The following DOCK3 variants were observed in gnomAD, a reference collection of about 807,000 sequenced individuals.
DOCK3 encodes dedicator of cytokinesis protein 3.
In DOCK3, 60 loss-of-function variants were observed where a neutral mutation model predicts 265.6. That is an observed-to-expected ratio of 0.23 (90% CI 0.18 to 0.28). DOCK3 has a LOEUF of 0.28. Among genes scored for constraint, DOCK3 ranks in the 10% least tolerant of loss-of-function variants. DOCK3 has a pLI of 1.00. For missense variants in DOCK3, 1,981 were observed against 2,594.3 expected (o/e 0.76, Z 5.14); for synonymous variants, 881 against 938.0 (o/e 0.94, Z 1.11).
chr3:51,013,721 G>A (rs543351687), intron 5 of DOCK3, among the ~76,000 whole-genome samples: 58 of 152,306 alleles, frequency 3.8e-4, no homozygotes, highest in Middle Eastern at 6.8e-3. Flanking sequence ...AGACAGGGAC[G>A]TTTAAGTCTG....
At chr3:50,980,109 T>G (rs904232460) in intron 5 of DOCK3, among the ~76,000 whole-genome samples, 5 of 152,228 alleles carry the variant, frequency 3.3e-5, no homozygotes, top group African/African-American at 9.6e-5. Context: ...TGTATTGACT[T>G]CATTATTTTG....
intron 9 of DOCK3, among the ~76,000 whole-genome samples, chr3:51,139,201 T>G (rs976103108): frequency 6.6e-6 from 1 of 150,622 alleles, no homozygotes; most frequent in African/African-American, 2.5e-5. Context: ...CACATCACAT[T>G]CATTCACATT....
At chr3:51,007,837 A>G (rs1249105458) in intron 5 of DOCK3, among the ~76,000 whole-genome samples, 1 of 152,180 alleles carries the variant, frequency 6.6e-6, no homozygotes, top group Non-Finnish European at 1.5e-5. Context: ...CTTTCTACAT[A>G]TGGCTAGCCA....
chr3:50,953,567 ACT>A (rs780664645), intron 5 of DOCK3, among the ~76,000 whole-genome samples: 9 of 152,090 alleles, frequency 5.9e-5, no homozygotes, highest in Non-Finnish European at 1.3e-4. Flanking sequence ...CATGTGGATG[ACT>A]CTCAACTGAA....
At chr3:50,972,101 G>A (rs1380032939) in intron 5 of DOCK3, among the ~76,000 whole-genome samples, 1 of 152,218 alleles carries the variant, frequency 6.6e-6, no homozygotes, top group Non-Finnish European at 1.5e-5. Flanking sequence ...CAGTCAAAAT[G>A]TCTTCTTTGT....
At chr3:51,032,630 G>A (rs1218622804) in intron 5 of DOCK3, among the ~76,000 whole-genome samples, 1 of 152,096 alleles carries the variant, frequency 6.6e-6, no homozygotes, top group Non-Finnish European at 1.5e-5. Context: ...TGTGGAAGCT[G>A]GGTACAGTGG....
intron 9 of DOCK3, among the ~76,000 whole-genome samples, chr3:51,139,263 G>GC (rs2084942768): frequency 6.6e-6 from 1 of 151,074 alleles, no homozygotes; most frequent in African/African-American, 2.4e-5. Flanking sequence ...GTGGGGGGAG[G>GC]GCTAAGATGT....
chr3:50,867,537 A>G (rs2047202734), intron 3 of DOCK3, among the ~76,000 whole-genome samples: 1 of 151,260 alleles, frequency 6.6e-6, no homozygotes, highest in South Asian at 2.1e-4. Context: ...TTCCACATTC[A>G]GTATTATACT....
chr3:51,370,415 A>G (rs2087584824), intron 49 of DOCK3, among the ~76,000 whole-genome samples: 1 of 152,224 alleles, frequency 6.6e-6, no homozygotes, highest in Non-Finnish European at 1.5e-5. Context: ...ACTCAAATGC[A>G]CTCTGACATT....
At chr3:51,009,602 T>C (rs929956907) in intron 5 of DOCK3, among the ~76,000 whole-genome samples, 2 of 152,196 alleles carry the variant, frequency 1.3e-5, no homozygotes, top group Non-Finnish European at 2.9e-5. Context: ...AAGGGTTTTT[T>C]GTATCTCTAT....
rs189405518 is a variant in DOCK3 at position 50,902,561 on chromosome 3, C to T, written c.218+12480C>T. On this transcript the variant is annotated intron_variant, in intron 4 of 52. Transcript: ENST00000266037. ...TGTGTGTCTGTTTTTGTACCAGTAC[C>T]ATGCTGTTTTGGTTACTTGAGCCTT... Among the ~76,000 whole-genome samples the T allele has an allele frequency of 5.9e-5, 9 of 152,214 alleles. No individual in the cohort carries two copies. In the East Asian group the frequency reaches 1.7e-3, roughly 29 times the overall value.
At chr3:50,911,630 C>T (rs1023317350) in intron 4 of DOCK3, among the ~76,000 whole-genome samples, 1 of 151,798 alleles carries the variant, frequency 6.6e-6, no homozygotes, top group Non-Finnish European at 1.5e-5. Context: ...ATTGCCTTAG[C>T]TACTTGGAAA....
intron 27 of DOCK3, among the ~76,000 whole-genome samples, chr3:51,309,477 G>A (rs1189981359): frequency 2.0e-5 from 3 of 152,176 alleles, no homozygotes; most frequent in Admixed American, 6.5e-5. Flanking sequence ...GCAGGCACTC[G>A]GCAGGCTGAG....
intron 2 of DOCK3, among the ~76,000 whole-genome samples, chr3:50,783,417 A>G (rs917692717): frequency 7.9e-5 from 12 of 151,948 alleles, no homozygotes; most frequent in Admixed American, 7.2e-4. Flanking sequence ...TGCATTTCTT[A>G]GATGATTAAT....
chr3:51,160,525 G>A (rs1362013414), intron 11 of DOCK3, 30 bp from the exon 12 acceptor site: 2 of 1,584,378 alleles, frequency 1.3e-6, no homozygotes, highest in African/African-American at 1.4e-5. Context: ...GCTTTTCTCA[G>A]TCTGACTGGT....
intron 1 of DOCK3, among the ~76,000 whole-genome samples, chr3:50,745,335 G>A (rs1212607827): frequency 1.3e-5 from 2 of 152,094 alleles, no homozygotes; most frequent in Non-Finnish European, 2.9e-5. Context: ...CTGAGCCACC[G>A]TGCCCGGTGC....
At chr3:51,090,463 A>G (rs2082597272) in intron 9 of DOCK3, 79 bp downstream of exon 9, 5 of 1,392,658 alleles carry the variant, frequency 3.6e-6, no homozygotes, top group Admixed American at 2.7e-5. Context: ...ATCAGAGAAG[A>G]CAGATGCACA....
intron 1 of DOCK3, among the ~76,000 whole-genome samples, chr3:50,701,107 A>G (rs1329432916): frequency 6.7e-6 from 1 of 149,336 alleles, no homozygotes; most frequent in Non-Finnish European, 1.5e-5. Context: ...GAATGTCTAT[A>G]CAGATCCTTT....
intron 1 of DOCK3, among the ~76,000 whole-genome samples, chr3:50,776,250 A>G (rs1327787006): frequency 1.3e-5 from 2 of 151,902 alleles, no homozygotes; most frequent in African/African-American, 2.4e-5. Flanking sequence ...GCCAACATCT[A>G]TTGTTTTTTG....
Sources: gnomAD v4.1 joint callset for allele counts (sites outside exome capture counted in the v4.1 genomes callset) on GRCh38, gnomAD v4.1.1 for gene constraint, MANE v1.5 for transcripts, NCBI Gene and HGNC (gene_info 2026-07-23, HGNC 2026-07-21) for gene names.